TPRG1: variants seen among roughly 807,000 people sequenced by gnomAD.
TPRG1 encodes the protein tumor protein p63-regulated gene 1 protein.
In TPRG1, 29 loss-of-function variants were observed where a neutral mutation model predicts 29.3. The ratio of observed to expected loss-of-function variants is 0.99; its 90% confidence interval spans 0.74 to 1.35. The LOEUF (loss-of-function observed/expected upper bound fraction) is 1.35, where lower values mean the gene tolerates loss of function less well. TPRG1 is among the 40% of genes most tolerant of loss of function. The probability of loss-of-function intolerance (pLI) is 0.00; values close to 1 mark genes in which losing one functional copy is unlikely to be tolerated. For missense variants in TPRG1, 327 were observed against 335.0 expected, an observed-to-expected ratio of 0.98 and a Z score of 0.19; for synonymous variants, 130 against 116.8, an observed-to-expected ratio of 1.11 and a Z score of -0.73.
At chr3:189,301,590 A>G (rs2222017) in intron 4 of TPRG1, among the ~76,000 whole-genome samples, 87,157 of 151,832 alleles carry the variant, frequency 0.57, 26,157 homozygotes, top group African/African-American at 0.74. Flanking sequence ...TTCTTCTGCC[A>G]TTATCACCAT....
intron 4 of TPRG1, among the ~76,000 whole-genome samples, chr3:189,054,355 A>C (rs1715519661): frequency 6.6e-6 from 1 of 151,620 alleles, no homozygotes; most frequent in Non-Finnish European, 1.5e-5. Context: ...TTAACATCAA[A>C]GATCACTGAT....
chr3:189,105,241 T>G (rs1291703353), intron 1 of TPRG1, among the ~76,000 whole-genome samples: 1 of 152,104 alleles, frequency 6.6e-6, no homozygotes, highest in Admixed American at 6.6e-5. Context: ...TTAAGGAGGC[T>G]TTTTTCAATG....
intron 4 of TPRG1, among the ~76,000 whole-genome samples, chr3:189,065,524 T>C (rs1050926415): frequency 9.9e-5 from 15 of 151,832 alleles, no homozygotes; most frequent in Non-Finnish European, 1.9e-4. Flanking sequence ...CACTCAAAAA[T>C]CATTCATGTA....
At chr3:189,077,748 A>G (rs2152164061) in intron 4 of TPRG1, among the ~76,000 whole-genome samples, 1 of 152,314 alleles carries the variant, frequency 6.6e-6, no homozygotes, top group South Asian at 2.1e-4. Flanking sequence ...CTCAGTATAG[A>G]TTAGATTTTT....
chr3:189,109,521 T>C (rs1260966135), intron 1 of TPRG1, among the ~76,000 whole-genome samples: 1 of 152,042 alleles, frequency 6.6e-6, no homozygotes, highest in Non-Finnish European at 1.5e-5. Flanking sequence ...AAAAGATAAT[T>C]CTCAGGAAGA....
chr3:189,213,426 A>G (rs1560560492), intron 2 of TPRG1, among the ~76,000 whole-genome samples: 1 of 152,188 alleles, frequency 6.6e-6, no homozygotes, highest in African/African-American at 2.4e-5. Context: ...TAATAGTAAG[A>G]TAGGGGAGAG....
At chr3:189,185,001 G>A (rs757582882) in intron 1 of TPRG1, among the ~76,000 whole-genome samples, 2 of 152,174 alleles carry the variant, frequency 1.3e-5, no homozygotes, top group Admixed American at 6.5e-5. Context: ...AGTGGGTTTG[G>A]TGGTTAGGCA....
chr3:189,029,038 A>C (rs999792642), intron 4 of TPRG1, among the ~76,000 whole-genome samples: 8 of 152,084 alleles, frequency 5.3e-5, no homozygotes, highest in African/African-American at 1.9e-4. Context: ...AAAAAAAAAA[A>C]AGTAATTTAG....
chr3:189,093,437 G>T (rs1440393900), intron 4 of TPRG1, among the ~76,000 whole-genome samples: 1 of 152,168 alleles, frequency 6.6e-6, no homozygotes, highest in Non-Finnish European at 1.5e-5. Context: ...TTCTAAACAG[G>T]CAGATTTTCA....
intron 4 of TPRG1, among the ~76,000 whole-genome samples, chr3:189,083,480 C>CTAACCACCT (rs1421112446): frequency 3.9e-5 from 6 of 152,318 alleles, no homozygotes; most frequent in Admixed American, 3.9e-4. Flanking sequence ...ACCACTGGAG[C>CTAACCACCT]AGGGAAGGGT....
chr3:189,091,153 A>G lies in TPRG1; in HGVS notation c.-462-35904A>G, dbSNP rs184427068. On this transcript the variant is annotated intron_variant, in intron 4 of 10. Transcript: ENST00000433971. ...TTGCCTGAGAAAGAGTGTGTATGAA[A>G]TAAATGTCAACTATCATTATGTGGC... Among the ~76,000 whole-genome samples, 280 of 152,210 alleles carry G rather than the reference A, an allele frequency of 1.8e-3. 1 individual carries two copies. Among genetic ancestry groups the G allele is most frequent in the Non-Finnish European group, 3.2e-3 (216 of 67,950 alleles).
At chr3:189,036,809 A>T (rs1248905846) in intron 4 of TPRG1, among the ~76,000 whole-genome samples, 1 of 152,088 alleles carries the variant, frequency 6.6e-6, no homozygotes, top group East Asian at 1.9e-4. Context: ...GATGTAATGA[A>T]GATTATAAAG....
chr3:189,258,112 G>A (rs1488351322), intron 4 of TPRG1, among the ~76,000 whole-genome samples: 2 of 151,994 alleles, frequency 1.3e-5, no homozygotes, highest in Non-Finnish European at 2.9e-5. Context: ...GCCTTTTTGT[G>A]CTGGTTTTTC....
chr3:189,273,835 C>T (rs777593132), intron 4 of TPRG1, among the ~76,000 whole-genome samples: 2 of 152,110 alleles, frequency 1.3e-5, no homozygotes, highest in African/African-American at 2.4e-5. Context: ...CTGAAATGTT[C>T]TCAACAATCA....
intron 4 of TPRG1, among the ~76,000 whole-genome samples, chr3:189,259,462 C>CTTT (rs35016491): frequency 1.4e-4 from 13 of 92,110 alleles, no homozygotes; most frequent in East Asian, 2.5e-4. Context: ...CCAGGAATCC[C>CTTT]TTTTTTTTTT....
At chr3:189,164,498 C>T (rs1238550527) in intron 5 of TPRG1, among the ~76,000 whole-genome samples, 3 of 151,844 alleles carry the variant, frequency 2.0e-5, no homozygotes, top group African/African-American at 2.4e-5. Flanking sequence ...ATTTTTGGCT[C>T]GAAACACAGT....
Position 189,322,231 on chromosome 3 carries a change from A to G in TPRG1, c.*1411A>G, listed in dbSNP as rs1003002909. The G allele has an allele frequency of 3.9e-5, 6 of 152,138 alleles. No individual in the cohort carries two copies. The highest frequency in any genetic ancestry group is 8.8e-5 in the Non-Finnish European group (6 of 68,018). The allele number at this position is 152,138 out of a possible 1,614,324, so 9.4% of individuals were successfully genotyped here. ...TTTTTTTGACTTTTATGTGAAGTTT[A>G]AAGTCTTTTCTTTGAAAAGCTTGCT... On this transcript the variant is annotated 3_prime_UTR_variant, in exon 6 of 6. Transcript: ENST00000345063.
intron 5 of TPRG1, among the ~76,000 whole-genome samples, chr3:189,153,676 A>G (rs1578564339): frequency 6.6e-6 from 1 of 152,166 alleles, no homozygotes; most frequent in Non-Finnish European, 1.5e-5. Flanking sequence ...CAGCTGGCAA[A>G]TGGGATCTGG....
At chr3:189,189,379 T>A (rs1254136718) in intron 1 of TPRG1, among the ~76,000 whole-genome samples, 1 of 152,146 alleles carries the variant, frequency 6.6e-6, no homozygotes, top group Non-Finnish European at 1.5e-5. Context: ...ATTTAGATAG[T>A]TGTCAATTGG....
Sources: gnomAD v4.1 joint callset for allele counts (sites outside exome capture counted in the v4.1 genomes callset) on GRCh38, gnomAD v4.1.1 for gene constraint, MANE v1.5 for transcripts, NCBI Gene and HGNC (gene_info 2026-07-23, HGNC 2026-07-21) for gene names.